Variants in SHOX observed in about 807,000 individuals in gnomAD.
SHOX encodes the protein SHOX homeobox, also known as short stature homeobox protein.
In SHOX, 12 loss-of-function variants were observed where a neutral mutation model predicts 29.6. That is an observed-to-expected ratio of 0.41 (90% CI 0.26 to 0.66). The LOEUF is 0.66. Ranked by LOEUF, SHOX falls within the 30% of genes least tolerant of loss-of-function variation. The pLI, the probability that SHOX is intolerant of heterozygous loss-of-function variation, is 0.35. For synonymous variants in SHOX, 214 were observed against 200.6 expected, an observed-to-expected ratio of 1.07 and a Z score of -0.57; for missense variants, 499 against 437.7, an observed-to-expected ratio of 1.14 and a Z score of -1.25.
chrX:636,341 T>TATATAAATATATAAAC (rs201525640), intron 2 of SHOX, among the ~76,000 whole-genome samples: 113,899 of 132,182 alleles, frequency 0.86, 48,854 homozygotes, highest in East Asian at 0.95. Context: ...CATATAAACA[T>TATATAAATATATAAAC]ATATAAATAT....
At chrX:635,829 G>A (rs1180229599) in intron 2 of SHOX, among the ~76,000 whole-genome samples, 1 of 149,766 alleles carries the variant, frequency 6.7e-6, no homozygotes, top group East Asian at 2.0e-4. Flanking sequence ...CTTTCTCCTG[G>A]TTCTGGGCAG....
chrX:625,255 C>T (rs1233019898), intron 1 of SHOX, among the ~76,000 whole-genome samples: 1 of 143,130 alleles, frequency 7.0e-6, no homozygotes, highest in Non-Finnish European at 1.5e-5. Context: ...TACTCCTTTT[C>T]CTCCTCTTCC....
Position 650,720 on chromosome X carries a change from G to A in SHOX, c.*6084G>A, listed in dbSNP as rs1245126207. Among the ~76,000 whole-genome samples the A allele has an allele frequency of 2.0e-5, 3 of 148,006 alleles. No individual in the cohort carries two copies. Among genetic ancestry groups the A allele is most frequent in the Non-Finnish European group, 4.5e-5 (3 of 67,374 alleles). On this transcript the variant is annotated 3_prime_UTR_variant, in exon 5 of 5. Coordinates refer to ENST00000686671, the MANE Select transcript of SHOX (RefSeq NM_000451.4). ...ACACACATTTCGGAGGCACTTTGCT[G>A]GAAGCCGCTTGTCTCCTCCAGCTTT...
At chrX:635,857 G>GGAGAGAGA (rs369333132) in intron 2 of SHOX, among the ~76,000 whole-genome samples, 7 of 146,168 alleles carry the variant, frequency 4.8e-5, no homozygotes, top group African/African-American at 1.0e-4. Context: ...GTGGGGGGAG[G>GGAGAGAGA]GAGAGAGAGA....
chrX:631,238 G>A (rs2052643578), intron 1 of SHOX, 64 bp downstream of exon 1: 1 of 1,588,286 alleles, frequency 6.3e-7, no homozygotes, highest in South Asian at 1.1e-5. Flanking sequence ...CCTCGCCACG[G>A]AGTCGGCCCC....
chrX:640,395 T>C (rs994482652), intron 2 of SHOX, among the ~76,000 whole-genome samples: 24 of 150,666 alleles, frequency 1.6e-4, no homozygotes, highest in Admixed American at 6.6e-4. Context: ...CTGGCCAACA[T>C]GGTGAAACCG....
upstream of SHOX, among the ~76,000 whole-genome samples, chrX:629,457 C>T (rs2052608465): frequency 1.3e-5 from 2 of 151,922 alleles, no homozygotes; most frequent in South Asian, 2.1e-4. Context: ...CCCTCTGTCT[C>T]TCCCTTTCTC....
chrX:625,225 C>CT (rs1230602788), intron 1 of SHOX, among the ~76,000 whole-genome samples: 271 of 138,350 alleles, frequency 2.0e-3, no homozygotes, highest in African/African-American at 6.4e-3. Context: ...CCTCCTCCTT[C>CT]TCCCTCCTCC....
At chrX:633,409 G>A (rs28475531) in intron 1 of SHOX, among the ~76,000 whole-genome samples, 51,128 of 150,614 alleles carry the variant, frequency 0.34, 8,997 homozygotes, top group Middle Eastern at 0.39. Flanking sequence ...TTGCAGGCAC[G>A]TGTCTGATAG....
At chrX:644,363 C>T in intron 4 of SHOX, 28 bp from the exon 5 acceptor site, 2 of 1,514,056 alleles carry the variant, frequency 1.3e-6, no homozygotes, top group South Asian at 1.2e-5. Flanking sequence ...CATCCTGCGC[C>T]CTCACCCCGC....
At chrX:632,677 G>A (rs1412988552) in intron 1 of SHOX, among the ~76,000 whole-genome samples, 1 of 152,204 alleles carries the variant, frequency 6.6e-6, no homozygotes, top group Non-Finnish European at 1.5e-5. Flanking sequence ...TGTGGCTACG[G>A]TTTACAAAGC....
chrX:654,185 C>G (rs2053106127), downstream of SHOX, among the ~76,000 whole-genome samples: 1 of 151,732 alleles, frequency 6.6e-6, no homozygotes, highest in Non-Finnish European at 1.5e-5. Flanking sequence ...CACCTGTAAT[C>G]AAAGCACTTT....
In SHOX at chrX:644,479, T is replaced by C. The variant is rs1299862673; in HGVS notation, c.722T>C (p.Phe241Ser). 3 of 1,522,224 alleles carry C rather than the reference T, an allele frequency of 2.0e-6. No homozygotes were observed. The highest frequency in any genetic ancestry group is 2.6e-5 in the East Asian group (1 of 39,176). 94.3% of individuals were successfully genotyped at this position (1,522,224 alleles called of 1,614,324 possible). A position where few individuals can be genotyped will look rare whatever the true frequency, so the allele number is the denominator to read the frequency against. The change falls in exon 5 of 5, where the codon TTC becomes TCC. Residue 241 changes from phenylalanine to serine, a missense_variant. Physicochemically the swap from Phe to Ser is radical, Grantham distance 155. Coordinates refer to ENST00000686671, the MANE Select transcript of SHOX (RefSeq NM_000451.4). ...HLAAHAPYLM[F>S]PPPPFGLPIA... is the part of the protein sequence containing the mutation. ...GCGGCGCACGCGCCCTACCTGATGT[T>C]CCCCCCGCCGCCCTTCGGGCTGCCC...
At chrX:624,815 C>A (rs193253982) in intron 1 of SHOX, among the ~76,000 whole-genome samples, 54 of 148,310 alleles carry the variant, frequency 3.6e-4, no homozygotes, top group African/African-American at 1.2e-3. Context: ...GCCTTCTTTC[C>A]TTCCTTCGTT....
downstream of SHOX, among the ~76,000 whole-genome samples, chrX:655,610 CTCTCTATA>C (rs1210697345): frequency 4.2e-4 from 8 of 19,140 alleles, no homozygotes; most frequent in East Asian, 1.6e-3. Context: ...CTCTCTCTCT[CTCTCTATA>C]TATATATATA....
chrX:634,818 C>T lies in SHOX; in HGVS notation c.478C>T (p.Arg160Cys), dbSNP rs768025022. The T allele has an allele frequency of 2.5e-6, 4 of 1,569,176 alleles. No individual in the cohort carries two copies. In the Admixed American group the frequency reaches 5.7e-5, roughly 22 times the overall value. Residue 160 changes from arginine (R) to cysteine (C), a missense_variant, in exon 2 of 5, where the codon CGC becomes TGC. Transcript: ENST00000686671. The stretch of plus-strand genomic sequence containing the variant: ...CCAGCGCCTGGGGCTCTCCGAGGCG[C>T]GCGTGCAGGTAGGAACCCGGGGGCG... ...LSQRLGLSEA[R>C]VQVWFQNRRA... is the part of the protein sequence containing the mutation.
In SHOX at chrX:646,550, AACTT is replaced by A. The variant is rs2052967553; in HGVS notation, c.*1915_*1918del. 1 of 150,932 alleles carries A rather than the reference AACTT, an allele frequency of 6.6e-6. No individual in the cohort carries two copies. The highest frequency in any genetic ancestry group is 1.5e-5 in the Non-Finnish European group (1 of 67,838). The allele number at this position is 150,932 out of a possible 1,614,324, so 9.3% of individuals were successfully genotyped here. On this transcript the variant is annotated 3_prime_UTR_variant, in exon 5 of 5. Coordinates refer to ENST00000686671, the MANE Select transcript of SHOX (RefSeq NM_000451.4). ...GTGGGGATAAAAGAAAAAAAAAAAC[AACTT>A]CTTTTTTTCTTCCGCATAACACTTT... is the stretch of plus-strand genomic sequence containing the variant.
chrX:624,930 CTT>C (rs201528640), intron 1 of SHOX, among the ~76,000 whole-genome samples: 45 of 115,294 alleles, frequency 3.9e-4, no homozygotes, highest in African/African-American at 1.4e-3. Context: ...TTCTTTCTTT[CTT>C]TTCTTTCTTT....
chrX:634,057 T>G (rs1197528109), intron 1 of SHOX, among the ~76,000 whole-genome samples: 2 of 152,160 alleles, frequency 1.3e-5, no homozygotes, highest in African/African-American at 4.8e-5. Flanking sequence ...CCAGGCGCGG[T>G]GGCGCATTCA....
Sources: allele counts gnomAD v4.1 joint callset (sites outside exome capture counted in the v4.1 genomes callset), GRCh38; gene constraint gnomAD v4.1.1; transcripts MANE v1.5; gene names NCBI Gene and HGNC (gene_info 2026-07-23, HGNC 2026-07-21).